Variants in TNS4 observed in about 807,000 individuals in gnomAD.
TNS4 encodes the protein tensin 4.
TNS4 carries 46 observed loss-of-function variants against 70.4 expected under a neutral mutation model. That is an observed-to-expected ratio of 0.65 (90% CI 0.52 to 0.84). TNS4 has a LOEUF of 0.84. Ranked by LOEUF, TNS4 falls within the 40% of genes least tolerant of loss-of-function variation. The pLI, the probability that TNS4 is intolerant of heterozygous loss-of-function variation, is 0.00. For synonymous variants in TNS4, 390 were observed against 366.6 expected, an observed-to-expected ratio of 1.06 and a Z score of -0.73; for missense variants, 863 against 907.0, an observed-to-expected ratio of 0.95 and a Z score of 0.62.
In TNS4 at chr17:40,496,052, C is replaced by A; in HGVS notation, c.374G>T (p.Gly125Val). 1 of 1,613,218 alleles carries A rather than the reference C, an allele frequency of 6.2e-7. No homozygotes were observed. The highest frequency in any genetic ancestry group is 1.3e-5 in the African/African-American group (1 of 74,982). ...GCTCTGGGCCAGCTCAGCCTGGGAGCCCCCAGTCCCTGGGGGAAGCAGCTG... is the reference window on the plus strand; with the variant it reads ...GCTCTGGGCCAGCTCAGCCTGGGAGACCCCAGTCCCTGGGGGAAGCAGCTG... ...TFQLLPPGTG[G>V]SQAELAQSTM... The change falls in exon 2 of 13, where the codon GGC (glycine) becomes GTC (valine). Residue 125 changes from glycine (G) to valine (V), a missense_variant. Coordinates refer to ENST00000254051, the MANE Select transcript of TNS4 (RefSeq NM_032865.6).
intron 2 of TNS4, among the ~76,000 whole-genome samples, 198 bp from the exon 3 acceptor site, chr17:40,489,167 G>A (rs940392449): frequency 2.0e-5 from 3 of 152,116 alleles, no homozygotes; most frequent in African/African-American, 7.2e-5. Context: ...TCCCTTGGGT[G>A]AGGAGATGCA....
At position 40,481,022 on chromosome 17, in the gene TNS4, T is replaced by C. The variant is rs532038198; in HGVS notation, c.1673-254A>G. 1.4e-5 allele frequency: 7 copies of C among 497,632 alleles called. No individual in the cohort carries two copies. In the African/African-American group the frequency reaches 1.4e-4, roughly 10 times the overall value. The allele number at this position is 497,632 out of a possible 1,614,324, so 30.8% of individuals were successfully genotyped here. On this transcript the variant is annotated intron_variant, in intron 8 of 12. Coordinates refer to ENST00000254051, the MANE Select transcript of TNS4 (RefSeq NM_032865.6). ...CCCCCCACCTCTTAGATGGCTGCCA[T>C]GATCTTGTCCTCACAGGCCCCTGAC...
intron 2 of TNS4, among the ~76,000 whole-genome samples, chr17:40,495,515 C>T (rs2036130324): frequency 1.3e-5 from 2 of 152,122 alleles, no homozygotes; most frequent in South Asian, 4.2e-4. Context: ...TAAACAGATG[C>T]CCCAATCCTA....
chr17:40,488,201 C>T (rs908814535), intron 3 of TNS4, among the ~76,000 whole-genome samples: 3 of 152,134 alleles, frequency 2.0e-5, no homozygotes, highest in African/African-American at 7.2e-5. Flanking sequence ...TAGTTCATCT[C>T]AGGCCCCCCA....
rs764262953 is a variant in TNS4 at position 40,484,625 on chromosome 17, AG to A, written c.1376-17del. The A allele has an allele frequency of 1.2e-6, 2 of 1,610,858 alleles. No individual in the cohort carries two copies. Among genetic ancestry groups the A allele is most frequent in the African/African-American group, 2.7e-5 (2 of 74,896 alleles). On this transcript the variant is annotated splice_polypyrimidine_tract_variant and intron_variant, in intron 5 of 12. Transcript: ENST00000254051. Reference sequence around the variant, plus strand: ...AGCTCGATTGCTGGAACAATCCTTGAGTCAGAGATGGACACCGCCCCACCTG... The same window carrying A: ...AGCTCGATTGCTGGAACAATCCTTGATCAGAGATGGACACCGCCCCACCTG...
chr17:40,487,576 T>G, intron 3 of TNS4, 116 bp from the exon 4 acceptor site: 4 of 1,055,176 alleles, frequency 3.8e-6, no homozygotes, highest in Admixed American at 5.3e-5. Context: ...AATAGAACAC[T>G]GCATACCCCA....
Position 40,477,526 on chromosome 17 carries a change from TGGA to T in TNS4, c.*59_*61del. On this transcript the variant is annotated 3_prime_UTR_variant, in exon 13 of 13. Transcript: ENST00000254051. ...CCACAAGCCACACCCATTCAGGGGG[TGGA>T]GGGGGGCTCCTTAGCGAGCCCCTGG... The T allele has an allele frequency of 6.3e-7, 1 of 1,595,166 alleles. No individual in the cohort carries two copies. Among genetic ancestry groups the T allele is most frequent in the Non-Finnish European group, 8.6e-7 (1 of 1,169,086 alleles).
chr17:40,497,442 A>G (rs1044315839), intron 1 of TNS4, among the ~76,000 whole-genome samples: 1 of 152,138 alleles, frequency 6.6e-6, no homozygotes, highest in African/African-American at 2.4e-5. Flanking sequence ...CATCTCTACT[A>G]AAAATATAAA....
In TNS4 at chr17:40,476,422, GT is replaced by G. The variant is rs2035849820; in HGVS notation, c.*1165del. 7.0e-6 allele frequency: 1 copy of G among 142,508 alleles called. No homozygotes were observed. The highest frequency in any genetic ancestry group is 1.5e-5 in the Non-Finnish European group (1 of 65,844). The allele number at this position is 142,508 out of a possible 1,614,324, so 8.8% of individuals were successfully genotyped here. A position where few individuals can be genotyped will look rare whatever the true frequency, so the allele number is the denominator to read the frequency against. Reference sequence around the variant, plus strand: ...TGTGTGTGTGTGTGTGTGTGTGTGTGTGTGTGTTGGAGCGTGGGTTGGGGGA... The same window carrying G: ...TGTGTGTGTGTGTGTGTGTGTGTGTGGTGTGTTGGAGCGTGGGTTGGGGGA... On this transcript the variant is annotated 3_prime_UTR_variant, in exon 13 of 13. Coordinates refer to ENST00000254051, the MANE Select transcript of TNS4 (RefSeq NM_032865.6).
Position 40,479,697 on chromosome 17 carries a change from G to T in TNS4, c.1887C>A (p.Ile629=). The change falls in exon 10 of 13, where the codon ATC becomes ATA. Residue 629 remains isoleucine (I), a synonymous_variant. Coordinates refer to ENST00000254051, the MANE Select transcript of TNS4 (RefSeq NM_032865.6). ...ACTTCCTCTGGACATCAGTCAGAGT[G>T]ATGCCCTGCTCTGTGACTTTGAAGT... The part of the protein sequence containing the change: ...VVHFKVTEQG[I]TLTDVQRKVF... 6.2e-7 allele frequency: 1 copy of T among 1,614,034 alleles called. No homozygotes were observed.
At chr17:40,480,839 C>A in intron 8 of TNS4, 71 bp from the exon 9 acceptor site, 4 of 1,531,706 alleles carry the variant, frequency 2.6e-6, no homozygotes, top group Non-Finnish European at 3.6e-6. Flanking sequence ...CTCACAGGAA[C>A]AGGCCTCATG....
At chr17:40,499,002 G>C (rs914281625) in intron 1 of TNS4, among the ~76,000 whole-genome samples, 2 of 152,068 alleles carry the variant, frequency 1.3e-5, no homozygotes, top group African/African-American at 4.8e-5. Context: ...TATGCTAAGG[G>C]AGGAGACCAC....
Position 40,500,579 on chromosome 17 carries a change from C to G in TNS4, c.-96+955G>C, listed in dbSNP as rs952824053. Among the ~76,000 whole-genome samples the G allele has an allele frequency of 1.3e-5, 2 of 152,104 alleles. 1 individual carries two copies. Among genetic ancestry groups the G allele is most frequent in the African/African-American group, 4.8e-5 (2 of 41,412 alleles). On this transcript the variant is annotated intron_variant, in intron 1 of 12. Transcript: ENST00000254051. ...TCTGACTCAGATCTCTTTCTTTGTT[C>G]CCAAGGACTCTGGGGAGTCCTGGTG...
At chr17:40,483,805 G>T (rs1420977233) in intron 6 of TNS4, among the ~76,000 whole-genome samples, 1 of 152,144 alleles carries the variant, frequency 6.6e-6, no homozygotes. Flanking sequence ...AATTGCTCTG[G>T]AGTCATTAAG....
intron 1 of TNS4, among the ~76,000 whole-genome samples, chr17:40,498,325 A>G (rs1359482333): frequency 6.6e-6 from 1 of 152,158 alleles, no homozygotes; most frequent in Non-Finnish European, 1.5e-5. Context: ...TGGTAATGAG[A>G]ATTCCTGCAC....
chr17:40,497,853 A>G (rs912113508), intron 1 of TNS4, among the ~76,000 whole-genome samples: 1 of 152,236 alleles, frequency 6.6e-6, no homozygotes, highest in East Asian at 1.9e-4. Flanking sequence ...GGGGAGTGAC[A>G]TCATCAGATG....
At chr17:40,481,658 G>A (rs2035923249) in intron 8 of TNS4, among the ~76,000 whole-genome samples, 2 of 152,202 alleles carry the variant, frequency 1.3e-5, no homozygotes, top group African/African-American at 2.4e-5. Context: ...GAGTCACCAC[G>A]CCCAGCCCTT....
chr17:40,477,703 T>A lies in TNS4; in HGVS notation c.2033A>T (p.Gln678Leu). Residue 678 changes from glutamine to leucine, a missense_variant, in exon 13 of 13, where the codon CAG (glutamine) becomes CTG (leucine). Physicochemically the swap from Gln to Leu is moderately radical, Grantham distance 113. Transcript: ENST00000254051. ...GCATACGTTCTCCTGAGGCTCTGTC[T>A]GGCTCTTGGCCACAAACCCAAAGAT... ...SWIFGFVAKS[Q>L]TEPQENVCHL... is the part of the protein sequence containing the mutation. 1.2e-6 allele frequency: 2 copies of A among 1,606,942 alleles called. No individual in the cohort carries two copies. The highest frequency in any genetic ancestry group is 4.5e-5 in the East Asian group (2 of 44,410).
intron 12 of TNS4, 21 bp downstream of exon 12, chr17:40,478,286 C>T: frequency 6.2e-7 from 1 of 1,613,812 alleles, no homozygotes; most frequent in Non-Finnish European, 8.5e-7. Context: ...GGTTTGGGGC[C>T]CTGAGACAGG....
Sources: gnomAD v4.1 joint callset for allele counts (sites outside exome capture counted in the v4.1 genomes callset) on GRCh38, gnomAD v4.1.1 for gene constraint, MANE v1.5 for transcripts, NCBI Gene and HGNC (gene_info 2026-07-23, HGNC 2026-07-21) for gene names.